Variants in AHNAK2 observed in about 807,000 individuals in gnomAD.
The protein encoded by AHNAK2 is protein AHNAK2.
Under a neutral mutation model 30.7 loss-of-function variants are expected in AHNAK2, and 18 were observed. That is an observed-to-expected ratio of 0.59 (90% CI 0.41 to 0.87). The LOEUF (loss-of-function observed/expected upper bound fraction) is 0.87. Ranked by LOEUF, AHNAK2 falls within the 40% of genes least tolerant of loss-of-function variation. AHNAK2 has a pLI of 0.00. For missense variants in AHNAK2, 8,604 were observed against 7,373.0 expected (o/e 1.17, Z -6.11); for synonymous variants, 3,590 against 3,073.8 (o/e 1.17, Z -5.56).
At position 104,946,877 on chromosome 14, in the gene AHNAK2, G is replaced by C. The variant is rs763937159; in HGVS notation, c.8574C>G (p.Thr2858=). 6.2e-6 allele frequency: 10 copies of C among 1,612,548 alleles called. No individual in the cohort carries two copies. Among genetic ancestry groups the C allele is most frequent in the Non-Finnish European group, 8.5e-6 (10 of 1,179,708 alleles). Residue 2858 remains threonine (T), a synonymous_variant, in exon 7 of 7, where the codon ACC becomes ACG. Transcript: ENST00000333244. ...SFPSMQGDLK[T]TDIRIQPPSA... is the part of the protein sequence containing the mutation. ...AGGGGGGCTGAATGCGGATGTCAGT[G>C]GTCTTAAGATCCCCTTGCATGGAGG...
rs1182942968 is a variant in AHNAK2, at chr14:104,938,348, T to A, written c.17103A>T (p.Lys5701Asn). 1 of 1,613,904 alleles carries A rather than the reference T, an allele frequency of 6.2e-7. No homozygotes were observed. The highest frequency in any genetic ancestry group is 8.5e-7 in the Non-Finnish European group (1 of 1,179,898). Residue 5701 changes from lysine (K) to asparagine (N), a missense_variant, in exon 7 of 7, where the codon AAA (lysine) becomes AAT (asparagine). Transcript: ENST00000333244. ...TGGTAGGAGATGAGGAGAACCCTAA[T>A]TTGGGAAATCGGAACCAGCCTGCCT... ...QEKAGWFRFPKLGFSSSPTKK... is the reference protein window; with the variant it reads ...QEKAGWFRFPNLGFSSSPTKK...
In AHNAK2 at chr14:104,966,228, C is replaced by T. The variant is rs550087534; in HGVS notation, c.56-8556G>A. Among the ~76,000 whole-genome samples the T allele has an allele frequency of 9.9e-5, 15 of 152,210 alleles. No homozygotes were observed. Among genetic ancestry groups the T allele is most frequent in the East Asian group, 1.9e-4 (1 of 5,176 alleles). On this transcript the variant is annotated intron_variant, in intron 1 of 6. Coordinates refer to ENST00000333244, the MANE Select transcript of AHNAK2 (RefSeq NM_138420.4). The surrounding 1 kb of genome is among the most constrained non-coding windows in gnomAD (Gnocchi z 4.3). ...ACTCACCCCCACGTCATCCCGGCCC[C>T]GCCACCTTCCTACTGCTCCGGGGGC...
At position 104,950,935 on chromosome 14, in the gene AHNAK2, A is replaced by T; in HGVS notation, c.4516T>A (p.Ser1506Thr). Residue 1506 changes from serine (S) to threonine (T), a missense_variant, in exon 7 of 7, where the codon TCT (serine) becomes ACT (threonine). By Grantham distance (58) the Ser-to-Thr change is moderately conservative (BLOSUM62 1). Coordinates refer to ENST00000333244, the MANE Select transcript of AHNAK2 (RefSeq NM_138420.4). ...GCCTCGATGGACTTGCCTGGGGCAGACACCCCGAACGACGGCATCTTGAAC... is the reference window on the plus strand; with the variant it reads ...GCCTCGATGGACTTGCCTGGGGCAGTCACCCCGAACGACGGCATCTTGAAC... ...PKFKMPSFGV[S>T]APGKSIEASV... 4 of 1,545,310 alleles carry T rather than the reference A, an allele frequency of 2.6e-6. No individual in the cohort carries two copies. The highest frequency in any genetic ancestry group is 3.5e-6 in the Non-Finnish European group (4 of 1,133,632).
At chr14:104,961,707 C>T (rs1345305084) in intron 1 of AHNAK2, among the ~76,000 whole-genome samples, 2 of 151,854 alleles carry the variant, frequency 1.3e-5, no homozygotes, top group Non-Finnish European at 2.9e-5. Flanking sequence ...GGCACAGTGG[C>T]TTGTGCCGTA....
rs542506260 is a variant in AHNAK2, at chr14:104,955,427, T to C, written c.466+56A>G. The stretch of plus-strand genomic sequence containing the variant: ...TTACCCCTCAATACCCCCCTCCAGG[T>C]CCCTCCCATCCTGGTGGGGAGAATG... On this transcript the variant is annotated intron_variant, in intron 5 of 6. Transcript: ENST00000333244. 134 of 1,556,618 alleles carry C rather than the reference T, an allele frequency of 8.6e-5. No individual in the cohort carries two copies. The South Asian group carries it at 1.0e-3, about 12-fold the overall frequency.
At position 104,950,438 on chromosome 14, in the gene AHNAK2, C is replaced by G; in HGVS notation, c.5013G>C (p.Ser1671=). Residue 1671 remains serine (S), a synonymous_variant, in exon 7 of 7, where the codon TCG becomes TCC. Transcript: ENST00000333244. The part of the protein sequence containing the change: ...PKFKMPSFGV[S]APGKSIEASV... ...AGGCCTCGATGGACTTGCCTGGGGCCGACACCCCAAATGATGGCATCTTGA... is the reference window on the plus strand; with the variant it reads ...AGGCCTCGATGGACTTGCCTGGGGCGGACACCCCAAATGATGGCATCTTGA... 6.3e-7 allele frequency: 1 copy of G among 1,577,928 alleles called. No homozygotes were observed. Among genetic ancestry groups the G allele is most frequent in the Non-Finnish European group, 8.6e-7 (1 of 1,159,072 alleles).
chr14:104,972,229 G>T (rs2140884213), intron 1 of AHNAK2, among the ~76,000 whole-genome samples: 1 of 152,320 alleles, frequency 6.6e-6, no homozygotes, highest in African/African-American at 2.4e-5. Context: ...ACCCTAAAAA[G>T]GCTGACACAA....
Position 104,953,106 on chromosome 14 carries a change from C to A in AHNAK2, c.2345G>T (p.Gly782Val), listed in dbSNP as rs775365531. 1.9e-6 allele frequency: 3 copies of A among 1,613,294 alleles called. No individual in the cohort carries two copies. Among genetic ancestry groups the A allele is most frequent in the Non-Finnish European group, 2.5e-6 (3 of 1,179,696 alleles). The part of the protein sequence containing the change: ...DLKGPKLDLK[G>V]PKAEVTAPDV... ...GGGGGCTGTCACTTCCGCCTTGGGG[C>A]CTTTCAGGTCCAGCTTGGGGCCCTT... Residue 782 changes from glycine (G) to valine (V), a missense_variant, in exon 7 of 7, where the codon GGC becomes GTC. Physicochemically the swap from Gly to Val is moderately radical, Grantham distance 109. Transcript: ENST00000333244.
intron 1 of AHNAK2, among the ~76,000 whole-genome samples, chr14:104,976,115 G>A (rs1005200197): frequency 6.6e-6 from 1 of 152,290 alleles, no homozygotes; most frequent in Non-Finnish European, 1.5e-5. Flanking sequence ...GGCCGGGGCC[G>A]GGGAGGGGTT....
chr14:104,948,759 C>G lies in AHNAK2; in HGVS notation c.6692G>C (p.Gly2231Ala). ...CAGCTTGGGCAGGTGCCCTTTGAGG[C>G]CGACTTCCTCGGGCACAGGGCCCTC... ...LLEGPVPEEV[G>A]LKGHLPKLQM... Residue 2231 changes from glycine (G) to alanine (A), a missense_variant, in exon 7 of 7, where the codon GGC becomes GCC. Transcript: ENST00000333244. The G allele has an allele frequency of 6.2e-7, 1 of 1,611,968 alleles. No individual in the cohort carries two copies. Among genetic ancestry groups the G allele is most frequent in the Non-Finnish European group, 8.5e-7 (1 of 1,179,594 alleles).
Position 104,941,828 on chromosome 14 carries a change from G to A in AHNAK2, c.13623C>T (p.Gly4541=), listed in dbSNP as rs1465984622. Reference sequence around the variant, plus strand: ...CCACCTTGGGCAGGTGCCCTTTGAGGCCGGCTACCTCGGGCATGTGGCCTT... The same window carrying A: ...CCACCTTGGGCAGGTGCCCTTTGAGACCGGCTACCTCGGGCATGTGGCCTT... ...LPEGHMPEVA[G]LKGHLPKVEM... Residue 4541 remains glycine (G), a synonymous_variant, in exon 7 of 7, where the codon GGC becomes GGT. Coordinates refer to ENST00000333244, the MANE Select transcript of AHNAK2 (RefSeq NM_138420.4). The A allele has an allele frequency of 6.2e-7, 1 of 1,613,324 alleles. No homozygotes were observed. Among genetic ancestry groups the A allele is most frequent in the African/African-American group, 1.3e-5 (1 of 74,820 alleles).
chr14:104,954,005 A>C lies in AHNAK2; in HGVS notation c.1446T>G (p.Ile482Met). ...TCTTTAAATCGTGTACTCGCACCCT[A>C]ATTTCTGGTGGGCCAATCTGTGTGC... ...EGGTQIGPPE[I>M]RVRVHDLKTP... Residue 482 changes from isoleucine to methionine, a missense_variant, in exon 7 of 7, where the codon ATT becomes ATG. Physicochemically the swap from Ile to Met is conservative, Grantham distance 10. Transcript: ENST00000333244. The surrounding 1 kb of genome is among the most constrained non-coding windows in gnomAD (Gnocchi z 4.3). 1 of 1,613,588 alleles carries C rather than the reference A, an allele frequency of 6.2e-7. No individual in the cohort carries two copies. Among genetic ancestry groups the C allele is most frequent in the Non-Finnish European group, 8.5e-7 (1 of 1,179,848 alleles).
At position 104,950,041 on chromosome 14, in the gene AHNAK2, G is replaced by A. The variant is rs373634735; in HGVS notation, c.5410C>T (p.Arg1804Trp). The A allele has an allele frequency of 3.1e-5, 49 of 1,586,586 alleles. 7 individuals are homozygous for A. Among genetic ancestry groups the A allele is most frequent in the Admixed American group, 1.7e-4 (10 of 57,532 alleles). The change falls in exon 7 of 7, where the codon CGG becomes TGG. Residue 1804 changes from arginine to tryptophan, a missense_variant. Physicochemically the swap from Arg to Trp is moderately radical, Grantham distance 101 (BLOSUM62 -3). Transcript: ENST00000333244. ...GCCAGGGACAGGTCACCCTCCAGCC[G>A]CACACTGTCCAGCTTGGCTCCTGGA... ...EAPGAKLDSVRLEGDLSLADK... is the reference protein window; with the variant it reads ...EAPGAKLDSVWLEGDLSLADK...
chr14:104,955,118 C>G lies in AHNAK2; in HGVS notation c.490G>C (p.Val164Leu), dbSNP rs775498543. ...TCATATTTTATGTTTTCAAAGAACA[C>G]GGTTGTACTGAGCAGCTGATCCCCT... ...REGDQLLSTTVFFENIKYEDA... is the reference protein window; with the variant it reads ...REGDQLLSTTLFFENIKYEDA... The change falls in exon 6 of 7, where the codon GTG (valine) becomes CTG (leucine). Residue 164 changes from valine to leucine, a missense_variant. Val to Leu is a conservative substitution (Grantham distance 32). Coordinates refer to ENST00000333244, the MANE Select transcript of AHNAK2 (RefSeq NM_138420.4). The G allele has an allele frequency of 6.9e-5, 111 of 1,611,428 alleles. No individual in the cohort carries two copies. Among genetic ancestry groups the G allele is most frequent in the Non-Finnish European group, 9.2e-5 (109 of 1,179,560 alleles).
Position 104,966,882 on chromosome 14 carries a change from T to C in AHNAK2, c.56-9210A>G, listed in dbSNP as rs1248874665. 2.0e-5 allele frequency among the ~76,000 whole-genome samples: 3 copies of C among 152,342 alleles called. No individual in the cohort carries two copies. Among genetic ancestry groups the C allele is most frequent in the South Asian group, 4.1e-4 (2 of 4,830 alleles). ...CTCTGGCCTCAGTTTCCCTTCCTGC[T>C]CTGCCCAGACCCTGCCGCTCAATCC... On this transcript the variant is annotated intron_variant, in intron 1 of 6. Transcript: ENST00000333244. The surrounding 1 kb of genome is among the most constrained non-coding windows in gnomAD (Gnocchi z 4.3).
At chr14:104,959,603 C>G (rs1273832748) in intron 1 of AHNAK2, among the ~76,000 whole-genome samples, 1 of 152,108 alleles carries the variant, frequency 6.6e-6, no homozygotes, top group Non-Finnish European at 1.5e-5. Context: ...CACCACTTCA[C>G]TCTAGTCAGG....
At chr14:104,961,497 A>G (rs1899146904) in intron 1 of AHNAK2, among the ~76,000 whole-genome samples, 1 of 150,332 alleles carries the variant, frequency 6.7e-6, no homozygotes, top group Non-Finnish European at 1.5e-5. Flanking sequence ...CCTGGGTGAC[A>G]GCGAGACCCC....
chr14:104,940,582 T>C lies in AHNAK2; in HGVS notation c.14869A>G (p.Lys4957Glu), dbSNP rs777703075. Residue 4957 changes from lysine (K) to glutamate (E), a missense_variant, in exon 7 of 7, where the codon AAG becomes GAG. Lys to Glu is a moderately conservative substitution (Grantham distance 56, BLOSUM62 1). Transcript: ENST00000333244. This position sits in a 1 kb window ranked among gnomAD's most constrained non-coding sequence, Gnocchi z 4.4. ...EGKGSPLKMP[K>E]IKLPSFRWSP... is the part of the protein sequence containing the mutation. ...CACCTAAATGATGGAAGCTTAATCT[T>C]AGGCATTTTCAAGGGACTCCCTTTC... 6.2e-7 allele frequency: 1 copy of C among 1,613,660 alleles called. No individual in the cohort carries two copies. Among genetic ancestry groups the C allele is most frequent in the Admixed American group, 1.7e-5 (1 of 60,022 alleles).
intron 1 of AHNAK2, among the ~76,000 whole-genome samples, chr14:104,974,447 A>T (rs2819454): frequency 6.6e-6 from 1 of 152,082 alleles, no homozygotes; most frequent in Non-Finnish European, 1.5e-5. Context: ...GGGTTGAACA[A>T]CTTGCAGGTC....
Sources: allele counts gnomAD v4.1 joint callset (sites outside exome capture counted in the v4.1 genomes callset), GRCh38; gene constraint gnomAD v4.1.1; non-coding constraint Gnocchi (gnomAD v3.1); transcripts MANE v1.5; gene names NCBI Gene and HGNC (gene_info 2026-07-23, HGNC 2026-07-21).